Variants in LRRC37A2 observed in about 807,000 individuals in gnomAD.
LRRC37A2 encodes the protein leucine rich repeat containing 37 member A2.
Under a neutral mutation model 68.8 loss-of-function variants are expected in LRRC37A2, and 9 were observed. That is an observed-to-expected ratio of 0.13 (90% confidence interval 0.08 to 0.23). LRRC37A2 has a LOEUF of 0.23. Among genes scored for constraint, LRRC37A2 ranks in the 10% least tolerant of loss-of-function variants. The probability of loss-of-function intolerance (pLI) is 1.00; values close to 1 mark genes in which losing one functional copy is unlikely to be tolerated. For synonymous variants in LRRC37A2, 63 were observed against 367.6 expected (o/e 0.17, Z 9.48); for missense variants, 168 against 950.4 (o/e 0.18, Z 10.82).
the LRRC37A2 span, among the ~76,000 whole-genome samples, chr17:46,792,316 C>T: frequency 2.7e-4 from 41 of 152,166 alleles, no homozygotes; most frequent in East Asian, 3.9e-3. Context: ...AAATAAAGAA[C>T]GCTTTTACAG....
At chr17:46,848,730 A>G in the LRRC37A2 span, among the ~76,000 whole-genome samples, 1 of 152,220 alleles carries the variant, frequency 6.6e-6, no homozygotes, top group South Asian at 2.1e-4. Flanking sequence ...ATCATGAGCC[A>G]TAGCCAGTAC....
At chr17:47,011,585 A>T in the LRRC37A2 span, among the ~76,000 whole-genome samples, 48 of 148,144 alleles carry the variant, frequency 3.2e-4, no homozygotes, top group Non-Finnish European at 5.5e-4. Context: ...TTTTTTTTTA[A>T]TGTGGAGATG....
At chr17:47,015,724 T>C in the LRRC37A2 span, among the ~76,000 whole-genome samples, 3 of 152,344 alleles carry the variant, frequency 2.0e-5, no homozygotes, top group East Asian at 5.8e-4. Flanking sequence ...GTGTTTTATT[T>C]AACTTTTACC....
chr17:46,392,419 C>CTCTCTT, the LRRC37A2 span, among the ~76,000 whole-genome samples: 234 of 55,714 alleles, frequency 4.2e-3, 5 homozygotes, highest in African/African-American at 0.012. Context: ...TTCTCTCTCT[C>CTCTCTT]TCTTTCTTTC....
chr17:46,870,296 G>A, the LRRC37A2 span, among the ~76,000 whole-genome samples: 1,010 of 152,306 alleles, frequency 6.6e-3, 2 homozygotes, highest in Non-Finnish European at 0.01. Context: ...CCCCCAAGCT[G>A]CCCTCCACAC....
At chr17:47,000,069 T>TA in the LRRC37A2 span, among the ~76,000 whole-genome samples, 673 of 25,542 alleles carry the variant, frequency 0.026, 43 homozygotes, top group East Asian at 0.052. Flanking sequence ...AAAATTAAAA[T>TA]AAAATAAAAA....
the LRRC37A2 span, among the ~76,000 whole-genome samples, chr17:46,973,415 A>T: frequency 6.6e-6 from 1 of 151,954 alleles, no homozygotes; most frequent in Non-Finnish European, 1.5e-5. Flanking sequence ...CGCCCACCTT[A>T]GCCTCCCAAA....
chr17:46,869,689 T>A, the LRRC37A2 span, among the ~76,000 whole-genome samples: 1 of 152,180 alleles, frequency 6.6e-6, no homozygotes, highest in Non-Finnish European at 1.5e-5. Flanking sequence ...CCACACTACA[T>A]GGGAGTCCCA....
the LRRC37A2 span, among the ~76,000 whole-genome samples, chr17:46,945,473 C>T: frequency 6.6e-6 from 1 of 152,162 alleles, no homozygotes; most frequent in Non-Finnish European, 1.5e-5. Flanking sequence ...GCGTAGAATC[C>T]TGACTTTGCT....
the LRRC37A2 span, among the ~76,000 whole-genome samples, chr17:46,718,597 C>T: frequency 1.1e-4 from 17 of 152,162 alleles, no homozygotes; most frequent in Admixed American, 2.0e-4. Flanking sequence ...CCCCCATTTT[C>T]TCATTAGATT....
chr17:46,828,205 C>A, the LRRC37A2 span, among the ~76,000 whole-genome samples: 1 of 151,400 alleles, frequency 6.6e-6, no homozygotes, highest in Non-Finnish European at 1.5e-5. Flanking sequence ...TTTTTCTTTT[C>A]TCTTTTTTTG....
chr17:46,900,914 G>A, the LRRC37A2 span, among the ~76,000 whole-genome samples: 21 of 152,228 alleles, frequency 1.4e-4, no homozygotes, highest in African/African-American at 4.8e-4. Flanking sequence ...GGTGCTCAGA[G>A]GCTTACATTC....
chr17:46,408,631 G>T, the LRRC37A2 span, among the ~76,000 whole-genome samples: 1 of 39,892 alleles, frequency 2.5e-5, no homozygotes, highest in African/African-American at 5.7e-5. Flanking sequence ...TTTTTTGATT[G>T]CTATATCCTA....
chr17:46,816,961 G>GC, the LRRC37A2 span, among the ~76,000 whole-genome samples: 1 of 152,216 alleles, frequency 6.6e-6, no homozygotes, highest in Non-Finnish European at 1.5e-5. Context: ...GTCCCTGGCT[G>GC]CCCTGGCCAC....
chr17:46,966,607 C>T, the LRRC37A2 span: 850 of 687,628 alleles, frequency 1.2e-3, 22 homozygotes, highest in South Asian at 0.013. Context: ...CATCAGCCTC[C>T]CGAAGTGCTG....
chr17:46,488,381 TA>T, the LRRC37A2 span, among the ~76,000 whole-genome samples: 1 of 36,380 alleles, frequency 2.7e-5, no homozygotes, highest in Admixed American at 3.2e-4. Flanking sequence ...TATTACAATG[TA>T]ATAATAATAG....
chr17:46,505,428 TCA>T, the LRRC37A2 span, among the ~76,000 whole-genome samples: 1 of 111,866 alleles, frequency 8.9e-6, no homozygotes, highest in Non-Finnish European at 1.9e-5. Flanking sequence ...CTTATAGCCT[TCA>T]GTTATCCCAA....
the LRRC37A2 span, among the ~76,000 whole-genome samples, chr17:46,796,409 C>A: frequency 2.0e-5 from 3 of 152,292 alleles, no homozygotes; most frequent in Admixed American, 6.5e-5. Context: ...GTTATCATCA[C>A]CCCTATCTCA....
chr17:47,002,404 T>G, the LRRC37A2 span, among the ~76,000 whole-genome samples: 1,234 of 151,768 alleles, frequency 8.1e-3, 24 homozygotes, highest in African/African-American at 0.029. Context: ...TTTTTTTAGT[T>G]TTTGAGACAG....
Sources: allele counts gnomAD v4.1 joint callset (sites outside exome capture counted in the v4.1 genomes callset), GRCh38; gene constraint gnomAD v4.1.1; transcripts MANE v1.5; gene names NCBI Gene and HGNC (gene_info 2026-07-23, HGNC 2026-07-21).